XPO1: variants seen among roughly 807,000 people sequenced by gnomAD.
The protein encoded by XPO1 is exportin 1, also known as exportin-1.
In XPO1, 5 loss-of-function variants were observed where a neutral mutation model predicts 133.3. The ratio of observed to expected loss-of-function variants is 0.04; its 90% confidence interval spans 0.02 to 0.08. The LOEUF (loss-of-function observed/expected upper bound fraction) is 0.08. Among genes scored for constraint, XPO1 ranks in the 10% least tolerant of loss-of-function variants. The pLI, the probability that XPO1 is intolerant of heterozygous loss-of-function variation, is 1.00. For synonymous variants in XPO1, 419 were observed against 408.2 expected, an observed-to-expected ratio of 1.03 and a Z score of -0.32; for missense variants, 506 against 1,267.5, an observed-to-expected ratio of 0.40 and a Z score of 9.12.
chr2:61,488,120 A>G (rs757602720), intron 19 of XPO1, 45 bp downstream of exon 19: 61 of 1,528,400 alleles, frequency 4.0e-5, no homozygotes, highest in Non-Finnish European at 4.7e-5. Flanking sequence ...TCCATAAAAC[A>G]CAGCATCAAC....
chr2:61,493,270 CA>C, intron 12 of XPO1: 1 of 404,380 alleles, frequency 2.5e-6, no homozygotes, highest in Non-Finnish European at 4.4e-6. Context: ...AAATGACACC[CA>C]ATCTCTAAAA....
Position 61,502,412 on chromosome 2 carries a change from A to G in XPO1, c.302-102T>C. The G allele has an allele frequency of 3.5e-6, 4 of 1,145,784 alleles. No homozygotes were observed. In the South Asian group the frequency reaches 4.3e-5, roughly 12 times the overall value. 71.0% of individuals were successfully genotyped at this position (1,145,784 alleles called of 1,614,324 possible). A position where few individuals can be genotyped will look rare whatever the true frequency, so the allele number is the denominator to read the frequency against. On this transcript the variant is annotated intron_variant, in intron 4 of 24. Transcript: ENST00000401558. ...AATGTGGGAATGGAAAGACTAAGTA[A>G]AATCAGTTAATATACTCTAATCCTG...
chr2:61,479,081 G>A (rs567148160), intron 24 of XPO1, 115 bp from the exon 25 acceptor site: 99 of 1,267,864 alleles, frequency 7.8e-5, no homozygotes, highest in Middle Eastern at 7.6e-4. Context: ...TATCCATAAA[G>A]TGGCTGGGTT....
chr2:61,533,421 C>T (rs1699242657), intron 2 of XPO1, among the ~76,000 whole-genome samples: 1 of 152,136 alleles, frequency 6.6e-6, no homozygotes, highest in Non-Finnish European at 1.5e-5. Flanking sequence ...TTTAAACAAA[C>T]ATATCTGTGA....
intron 20 of XPO1, 105 bp from the exon 21 acceptor site, chr2:61,484,210 A>G: frequency 2.0e-6 from 2 of 998,250 alleles, no homozygotes; most frequent in Non-Finnish European, 2.9e-6. Context: ...GGAGTTTTCA[A>G]TAAACCACAG....
intron 4 of XPO1, among the ~76,000 whole-genome samples, chr2:61,515,171 C>T (rs944438153): frequency 2.6e-5 from 4 of 151,704 alleles, no homozygotes; most frequent in African/African-American, 9.7e-5. Context: ...TGAAAGTAAT[C>T]GGATAGAGGC....
chr2:61,484,467 T>C, intron 20 of XPO1: 1 of 178,636 alleles, frequency 5.6e-6, no homozygotes, highest in Non-Finnish European at 1.2e-5. Flanking sequence ...ACTTAACGTA[T>C]CTTTTATCTC....
chr2:61,486,587 C>A (rs1696707230), intron 19 of XPO1, among the ~76,000 whole-genome samples: 1 of 152,046 alleles, frequency 6.6e-6, no homozygotes, highest in African/African-American at 2.4e-5. Context: ...TATCGAGTAG[C>A]TGGGAGTACA....
intron 4 of XPO1, among the ~76,000 whole-genome samples, chr2:61,519,531 TAA>T (rs543883966): frequency 2.0e-4 from 24 of 122,212 alleles, no homozygotes; most frequent in South Asian, 2.7e-4. Context: ...CCATCTCTAC[TAA>T]AAAAAAAAAA....
At chr2:61,495,061 C>T (rs1353417386) in intron 11 of XPO1, among the ~76,000 whole-genome samples, 2 of 151,884 alleles carry the variant, frequency 1.3e-5, no homozygotes, top group African/African-American at 2.4e-5. Context: ...CCAGGCTGGT[C>T]TCGAACTCCT....
At chr2:61,529,210 A>G (rs1199901560) in intron 2 of XPO1, among the ~76,000 whole-genome samples, 2 of 152,206 alleles carry the variant, frequency 1.3e-5, no homozygotes, top group African/African-American at 4.8e-5. Context: ...TCTGTCAGTT[A>G]TCTTTCTCTT....
intron 3 of XPO1, chr2:61,525,813 G>C (rs961099386): frequency 7.7e-6 from 8 of 1,038,532 alleles, no homozygotes; most frequent in African/African-American, 1.7e-5. Flanking sequence ...TGTATATCAA[G>C]TGGAAACCTT....
At chr2:61,482,598 T>TG in intron 22 of XPO1, 59 bp from the exon 23 acceptor site, 2 of 1,260,898 alleles carry the variant, frequency 1.6e-6, no homozygotes, top group Non-Finnish European at 2.1e-6. Flanking sequence ...GATCTTAGCG[T>TG]TTTTTTTTGT....
At chr2:61,504,442 TTAC>T (rs990843317) in intron 4 of XPO1, among the ~76,000 whole-genome samples, 12 of 152,218 alleles carry the variant, frequency 7.9e-5, no homozygotes, top group African/African-American at 2.7e-4. Context: ...ATTGAACAAA[TTAC>T]TATTTCCTAC....
At chr2:61,533,467 G>A (rs1201352763) in intron 2 of XPO1, among the ~76,000 whole-genome samples, 1 of 152,104 alleles carries the variant, frequency 6.6e-6, no homozygotes, top group African/African-American at 2.4e-5. Flanking sequence ...TAGAAGAATC[G>A]TATTAGTGCC....
chr2:61,493,110 G>C, intron 12 of XPO1, 57 bp from the exon 13 acceptor site: 1 of 1,481,490 alleles, frequency 6.7e-7, no homozygotes, highest in Non-Finnish European at 8.9e-7. Context: ...GAAATCATTA[G>C]TGTAGAAGCT....
In XPO1 at chr2:61,478,111, CGAGTTAATGAA is replaced by C; in HGVS notation, c.*698_*708del. ...ATAAATATTTTTAACCATTTCACTT[CGAGTTAATGAA>C]GGCTCACAAATGAGCAACACTCCTC... On this transcript the variant is annotated 3_prime_UTR_variant, in exon 25 of 25. Transcript: ENST00000401558. 4.4e-6 allele frequency: 1 copy of C among 225,374 alleles called. No homozygotes were observed. The highest frequency in any genetic ancestry group is 8.9e-6 in the Non-Finnish European group (1 of 112,884). The allele number at this position is 225,374 out of a possible 1,614,324, so 14.0% of individuals were successfully genotyped here.
At chr2:61,516,107 C>A (rs1430602143) in intron 4 of XPO1, among the ~76,000 whole-genome samples, 2 of 148,778 alleles carry the variant, frequency 1.3e-5, no homozygotes, top group Admixed American at 1.3e-4. Context: ...GCCTGGGCGA[C>A]AGAGCGAAAC....
At chr2:61,525,295 TAGCTGTG>T (rs1698867377) in intron 3 of XPO1, 1 of 985,842 alleles carries the variant, frequency 1.0e-6, no homozygotes, top group Admixed American at 6.1e-5. Flanking sequence ...CGTCAAAGCC[TAGCTGTG>T]TCAGTTGCAC....
Sources: gnomAD v4.1 joint callset for allele counts (sites outside exome capture counted in the v4.1 genomes callset) on GRCh38, gnomAD v4.1.1 for gene constraint, MANE v1.5 for transcripts, NCBI Gene and HGNC (gene_info 2026-07-23, HGNC 2026-07-21) for gene names.